Variants in UBAP2L observed in about 807,000 individuals in gnomAD.
The protein encoded by UBAP2L is ubiquitin-associated protein 2-like.
A neutral mutation model predicts 130.6 loss-of-function variants in UBAP2L; 12 were observed. The observed-to-expected ratio is 0.09, with a 90% CI of 0.06 to 0.15. The LOEUF (loss-of-function observed/expected upper bound fraction) is 0.15, where lower values mean the gene tolerates loss of function less well. Ranked by LOEUF, UBAP2L falls within the 10% of genes least tolerant of loss-of-function variation. The pLI, the probability that UBAP2L is intolerant of heterozygous loss-of-function variation, is 1.00. For missense variants in UBAP2L, 965 were observed against 1,332.5 expected (o/e 0.72, Z 4.29); for synonymous variants, 503 against 524.7 (o/e 0.96, Z 0.57).
At position 154,246,232 on chromosome 1, in the gene UBAP2L, A is replaced by G; in HGVS notation, c.871A>G (p.Thr291Ala). The G allele has an allele frequency of 1.2e-6, 2 of 1,612,648 alleles. No individual in the cohort carries two copies. The highest frequency in any genetic ancestry group is 8.5e-7 in the Non-Finnish European group (1 of 1,179,080). Residue 291 changes from threonine (T) to alanine (A), a missense_variant, in exon 11 of 27, where the codon ACA becomes GCA. Coordinates refer to ENST00000428931, the MANE Select transcript of UBAP2L (RefSeq NM_014847.4). ...TGACCTTGCTGTTCTGCTGGGGAAG[A>G]CACCATCTACAATGGAGAATGATTC... ...RIDLAVLLGKTPSTMENDSSN... is the reference protein window; with the variant it reads ...RIDLAVLLGKAPSTMENDSSN...
intron 1 of UBAP2L, chr1:154,221,360 AAG>A (rs1159622789): frequency 6.5e-6 from 1 of 153,172 alleles, no homozygotes; most frequent in Admixed American, 6.5e-5. Context: ...GAGAGCGAGA[AAG>A]AGCGCGAGCG....
At chr1:154,223,292 C>T (rs1008742584) in intron 1 of UBAP2L, among the ~76,000 whole-genome samples, 1 of 152,154 alleles carries the variant, frequency 6.6e-6, no homozygotes, top group Non-Finnish European at 1.5e-5. Context: ...GCTAGTCATG[C>T]AGTTTATACC....
chr1:154,259,110 A>G (rs1460664113), intron 21 of UBAP2L, 80 bp downstream of exon 21: 2 of 1,283,204 alleles, frequency 1.6e-6, no homozygotes, highest in Non-Finnish European at 1.1e-6. Context: ...TCACAGACAT[A>G]GCTCTTTCCC....
intron 8 of UBAP2L, among the ~76,000 whole-genome samples, chr1:154,240,423 C>T (rs1465055723): frequency 2.6e-5 from 4 of 151,950 alleles, no homozygotes; most frequent in Non-Finnish European, 5.9e-5. Flanking sequence ...TCCGTATTAC[C>T]AACAAACACA....
Position 154,261,708 on chromosome 1 carries a change from C to G in UBAP2L, c.2902+11C>G. On this transcript the variant is annotated intron_variant, in intron 24 of 26. Coordinates refer to ENST00000428931, the MANE Select transcript of UBAP2L (RefSeq NM_014847.4). ...ATGGATACAACACTGGTAAGCTGAC[C>G]TTGTCTCTGGCTCGGTGTTATCTGT... is the stretch of plus-strand genomic sequence containing the variant. 1.2e-6 allele frequency: 2 copies of G among 1,612,904 alleles called. No individual in the cohort carries two copies. The highest frequency in any genetic ancestry group is 1.7e-6 in the Non-Finnish European group (2 of 1,179,006).
intron 1 of UBAP2L, among the ~76,000 whole-genome samples, chr1:154,224,308 T>A (rs1409611257): frequency 6.6e-6 from 1 of 152,168 alleles, no homozygotes; most frequent in Non-Finnish European, 1.5e-5. Context: ...CCCTGTATAT[T>A]AAGGTGAGTG....
chr1:154,268,845 A>G lies in UBAP2L; in HGVS notation c.3059A>G (p.Asn1020Ser), dbSNP rs1185192228. 3.1e-6 allele frequency: 5 copies of G among 1,614,068 alleles called. No homozygotes were observed. The South Asian group carries it at 4.4e-5, about 14-fold the overall frequency. The change falls in exon 26 of 27, where the codon AAT becomes AGT. Residue 1020 changes from asparagine (N) to serine (S), a missense_variant. By Grantham distance (46) the Asn-to-Ser change is conservative. This residue lies in a region of UBAP2L where 194 missense variants were observed against 334.0 expected (regional missense o/e 0.58). Coordinates refer to ENST00000428931, the MANE Select transcript of UBAP2L (RefSeq NM_014847.4). ...GCCCTAGGAAGTGGGGGCCCCATCA[A>G]TCCGGCCACAGCTGCTGCCTACCCA... The part of the protein sequence containing the change: ...PSALGSGGPI[N>S]PATAAAYPPA...
intron 11 of UBAP2L, 82 bp downstream of exon 11, chr1:154,246,457 A>G: frequency 6.8e-7 from 1 of 1,478,184 alleles, no homozygotes; most frequent in Non-Finnish European, 9.1e-7. Flanking sequence ...AAAGACAGTC[A>G]GGTTTTTGGC....
rs566462901 is a variant in UBAP2L, at chr1:154,255,636, C to T, written c.2085-47C>T. ...TGTTCTTGACTGAAGCTCCAGGTCA[C>T]GTAACTATAGCACTATGGCTGATGG... On this transcript the variant is annotated intron_variant, in intron 17 of 26. Coordinates refer to ENST00000428931, the MANE Select transcript of UBAP2L (RefSeq NM_014847.4). 1.5e-4 allele frequency: 238 copies of T among 1,594,686 alleles called. 1 individual carries two copies. In the South Asian group the frequency reaches 2.4e-3, roughly 16 times the overall value.
In UBAP2L at chr1:154,223,193, A is replaced by AT. The variant is rs1257145902; in HGVS notation, c.-40-1884dup. Among the ~76,000 whole-genome samples the AT allele has an allele frequency of 3.9e-5, 6 of 152,134 alleles. No individual in the cohort carries two copies. In the East Asian group the frequency reaches 7.7e-4, roughly 20 times the overall value. The stretch of plus-strand genomic sequence containing the variant: ...GTTACTAGCAAGAGTGATTAGGAGA[A>AT]TTTTTTTCTTTCTTGGTTAATTATA... On this transcript the variant is annotated intron_variant, in intron 1 of 26. Coordinates refer to ENST00000428931, the MANE Select transcript of UBAP2L (RefSeq NM_014847.4).
chr1:154,230,413 C>T (rs1000258051), intron 4 of UBAP2L, among the ~76,000 whole-genome samples: 2 of 152,156 alleles, frequency 1.3e-5, no homozygotes, highest in African/African-American at 2.4e-5. Context: ...CTTTTAAAAA[C>T]AATTGAATTT....
At chr1:154,255,871 A>G in intron 18 of UBAP2L, 116 bp downstream of exon 18, 1 of 1,271,996 alleles carries the variant, frequency 7.9e-7, no homozygotes, top group Non-Finnish European at 1.1e-6. Flanking sequence ...AAAATAATTG[A>G]TTTGAGGTTG....
chr1:154,228,739 A>G lies in UBAP2L; in HGVS notation c.279+14A>G. 1.3e-6 allele frequency: 2 copies of G among 1,594,208 alleles called. No homozygotes were observed. Among genetic ancestry groups the G allele is most frequent in the Non-Finnish European group, 1.7e-6 (2 of 1,168,216 alleles). On this transcript the variant is annotated intron_variant, in intron 4 of 26. Transcript: ENST00000428931. ...AACCCAGACACGGTAGAGTGCTTAT[A>G]GAGTGTTCTAGGACATGGGTCCTCA...
upstream of UBAP2L, chr1:154,220,558 C>T (rs1329721180): frequency 4.0e-6 from 3 of 740,806 alleles, no homozygotes; most frequent in Admixed American, 7.5e-5. Flanking sequence ...GGCCTGAAAA[C>T]ATGGCGGACA....
chr1:154,269,255 C>T, intron 26 of UBAP2L: 1 of 1,168,610 alleles, frequency 8.6e-7, no homozygotes. Context: ...CCTCTTTCCT[C>T]TCCCAGCCTT....
At chr1:154,225,695 C>T (rs1667690742) in intron 2 of UBAP2L, among the ~76,000 whole-genome samples, 2 of 152,152 alleles carry the variant, frequency 1.3e-5, no homozygotes, top group African/African-American at 4.8e-5. Context: ...GTCTTGAACT[C>T]ATGGGATTAT....
chr1:154,227,469 G>T, intron 3 of UBAP2L, 110 bp downstream of exon 3: 1 of 944,396 alleles, frequency 1.1e-6, no homozygotes, highest in Non-Finnish European at 1.6e-6. Flanking sequence ...GGTATTGAAA[G>T]AATTTTGACC....
chr1:154,250,167 T>A (rs1014829167), intron 12 of UBAP2L, among the ~76,000 whole-genome samples: 3 of 152,148 alleles, frequency 2.0e-5, no homozygotes, highest in Admixed American at 2.0e-4. Flanking sequence ...CAAGCAGTCC[T>A]CCCACCTGAG....
chr1:154,233,532 C>T (rs1480947453), intron 4 of UBAP2L, among the ~76,000 whole-genome samples: 1 of 146,400 alleles, frequency 6.8e-6, no homozygotes, highest in Non-Finnish European at 1.5e-5. Flanking sequence ...ACCGTGTTGG[C>T]CAGGCTGGTC....
Sources: allele counts gnomAD v4.1 joint callset (sites outside exome capture counted in the v4.1 genomes callset), GRCh38; gene constraint gnomAD v4.1.1; regional missense constraint gnomAD v4.1.1; transcripts MANE v1.5; gene names NCBI Gene and HGNC (gene_info 2026-07-23, HGNC 2026-07-21).